The following DOCK3 variants were observed in gnomAD, a reference collection of about 807,000 sequenced individuals.
DOCK3 encodes dedicator of cytokinesis protein 3.
In DOCK3, 60 loss-of-function variants were observed where a neutral mutation model predicts 265.6. The observed-to-expected ratio is 0.23, with a 90% CI of 0.18 to 0.28. DOCK3 has a LOEUF of 0.28. Ranked by LOEUF, DOCK3 falls within the 10% of genes least tolerant of loss-of-function variation. The pLI, the probability that DOCK3 is intolerant of heterozygous loss-of-function variation, is 1.00. For synonymous variants in DOCK3, 881 were observed against 938.0 expected, an observed-to-expected ratio of 0.94 and a Z score of 1.11; for missense variants, 1,981 against 2,594.3, an observed-to-expected ratio of 0.76 and a Z score of 5.14.
intron 3 of DOCK3, among the ~76,000 whole-genome samples, chr3:50,851,192 G>T (rs944053196): frequency 6.6e-6 from 1 of 152,198 alleles, no homozygotes; most frequent in Non-Finnish European, 1.5e-5. Flanking sequence ...TAATCCAGGA[G>T]ATTGAGTACT....
intron 4 of DOCK3, among the ~76,000 whole-genome samples, chr3:50,905,687 A>C (rs902415323): frequency 6.6e-6 from 1 of 152,006 alleles, no homozygotes; most frequent in African/African-American, 2.4e-5. Flanking sequence ...TTTTCTAAAT[A>C]TACAATCATG....
rs529735627 is a variant in DOCK3, at chr3:50,879,732, A to G, written c.163-10294A>G. Among the ~76,000 whole-genome samples the G allele has an allele frequency of 8.7e-4, 132 of 152,146 alleles. 3 individuals carry two copies. In the South Asian group the frequency reaches 0.027, roughly 31 times the overall value. On this transcript the variant is annotated intron_variant, in intron 3 of 52. Transcript: ENST00000266037. ...CATTAGACAGATCAACGAGACAGAA[A>G]GTTAACAAGGATATCCAAGAATTGA...
chr3:51,052,576 C>T (rs551175810), intron 5 of DOCK3, among the ~76,000 whole-genome samples: 1 of 152,288 alleles, frequency 6.6e-6, no homozygotes, highest in African/African-American at 2.4e-5. Context: ...ATAGAGAGTT[C>T]CTGGATGCCC....
rs531927778 is a variant in DOCK3, at chr3:51,358,224, A to T, written c.4884+147A>T. On this transcript the variant is annotated intron_variant, in intron 46 of 52. Transcript: ENST00000266037. Reference sequence around the variant, plus strand: ...GAGAGGCTGTCCTCCCTACAGAGGGACAGGGGGCAAGGATGGATGCTATAT... The same window carrying T: ...GAGAGGCTGTCCTCCCTACAGAGGGTCAGGGGGCAAGGATGGATGCTATAT... The T allele has an allele frequency of 2.2e-5, 16 of 712,734 alleles. No homozygotes were observed. In the South Asian group the frequency reaches 2.9e-4, roughly 13 times the overall value. 44.2% of individuals were successfully genotyped at this position (712,734 alleles called of 1,614,324 possible). A position where few individuals can be genotyped will look rare whatever the true frequency, so the allele number is the denominator to read the frequency against.
chr3:50,724,328 G>T (rs2037674999), intron 1 of DOCK3, among the ~76,000 whole-genome samples: 1 of 152,196 alleles, frequency 6.6e-6, no homozygotes, highest in Non-Finnish European at 1.5e-5. Flanking sequence ...ATTTGACCCA[G>T]CAGTCCCATT....
intron 21 of DOCK3, among the ~76,000 whole-genome samples, chr3:51,241,811 G>A (rs1255210071): frequency 6.6e-6 from 1 of 152,174 alleles, no homozygotes. Context: ...TATTTTGTCT[G>A]TCAGCTCCTG....
At chr3:51,295,074 G>A (rs2082005538) in intron 27 of DOCK3, among the ~76,000 whole-genome samples, 1 of 152,030 alleles carries the variant, frequency 6.6e-6, no homozygotes. Context: ...CCCTTAAATG[G>A]TATAAAGGAC....
intron 9 of DOCK3, among the ~76,000 whole-genome samples, chr3:51,116,025 T>C (rs1230955952): frequency 6.6e-6 from 1 of 152,158 alleles, no homozygotes; most frequent in Non-Finnish European, 1.5e-5. Flanking sequence ...GTACCAGTAC[T>C]GTGCTGTTTT....
chr3:50,698,935 T>C (rs979460331), intron 1 of DOCK3, among the ~76,000 whole-genome samples: 2 of 152,206 alleles, frequency 1.3e-5, no homozygotes, highest in Admixed American at 1.3e-4. Flanking sequence ...CAGATTTTTT[T>C]CCCATCTTAT....
chr3:51,222,062 G>A (rs2090123482), intron 14 of DOCK3, among the ~76,000 whole-genome samples: 1 of 152,178 alleles, frequency 6.6e-6, no homozygotes, highest in African/African-American at 2.4e-5. Flanking sequence ...GAATTTCAAG[G>A]TGTGAGTGCT....
At chr3:50,917,678 G>GTTTGTTTCTATTA (rs1287446272) in intron 4 of DOCK3, among the ~76,000 whole-genome samples, 4 of 151,610 alleles carry the variant, frequency 2.6e-5, no homozygotes, top group Non-Finnish European at 5.9e-5. Context: ...TCTTAATATT[G>GTTTGTTTCTATTA]TTTGTTTTCT....
chr3:50,699,140 G>A (rs1157452208), intron 1 of DOCK3, among the ~76,000 whole-genome samples: 1 of 152,116 alleles, frequency 6.6e-6, no homozygotes, highest in East Asian at 1.9e-4. Flanking sequence ...TGTGGATATT[G>A]TTTTTTCAGC....
chr3:51,083,326 T>C (rs1020803389), intron 7 of DOCK3, among the ~76,000 whole-genome samples: 1 of 152,060 alleles, frequency 6.6e-6, no homozygotes, highest in Non-Finnish European at 1.5e-5. Flanking sequence ...ATCTATAAAA[T>C]TAGAACAAGC....
chr3:51,064,179 A>G (rs2081512802), intron 5 of DOCK3, among the ~76,000 whole-genome samples: 4 of 152,238 alleles, frequency 2.6e-5, no homozygotes, highest in Non-Finnish European at 5.9e-5. Context: ...TTGATTTACT[A>G]AAGAAATGAA....
chr3:50,898,338 A>T (rs970239225), intron 4 of DOCK3, among the ~76,000 whole-genome samples: 1 of 151,790 alleles, frequency 6.6e-6, no homozygotes, highest in African/African-American at 2.4e-5. Flanking sequence ...CCTTTATCAC[A>T]CTTTATTGGG....
chr3:50,847,526 A>G (rs190470998), intron 3 of DOCK3, among the ~76,000 whole-genome samples: 1 of 152,264 alleles, frequency 6.6e-6, no homozygotes, highest in Non-Finnish European at 1.5e-5. Context: ...TGTTGAGTTT[A>G]AATCCAGATG....
At chr3:50,964,804 C>T (rs2076982901) in intron 5 of DOCK3, among the ~76,000 whole-genome samples, 1 of 151,846 alleles carries the variant, frequency 6.6e-6, no homozygotes, top group African/African-American at 2.4e-5. Context: ...AAAGAATATA[C>T]ATCATAATAA....
chr3:50,747,521 C>T (rs564546918), intron 1 of DOCK3, among the ~76,000 whole-genome samples: 82 of 151,692 alleles, frequency 5.4e-4, no homozygotes, highest in Non-Finnish European at 1.1e-3. Context: ...ACATATTTAC[C>T]CTTAAGTATT....
At chr3:50,784,985 T>C (rs577853201) in intron 2 of DOCK3, among the ~76,000 whole-genome samples, 3 of 152,246 alleles carry the variant, frequency 2.0e-5, no homozygotes, top group African/African-American at 7.2e-5. Context: ...GGTGAAACGC[T>C]GTCTCTACTA....
Sources: gnomAD v4.1 joint callset for allele counts (sites outside exome capture counted in the v4.1 genomes callset) on GRCh38, gnomAD v4.1.1 for gene constraint, MANE v1.5 for transcripts, NCBI Gene and HGNC (gene_info 2026-07-23, HGNC 2026-07-21) for gene names.